Variants in ADGRG3 observed in about 807,000 individuals in gnomAD.
ADGRG3 encodes the protein adhesion G protein-coupled receptor G3.
Under a neutral mutation model 54.3 loss-of-function variants are expected in ADGRG3, and 39 were observed. The observed-to-expected ratio is 0.72, with a 90% confidence interval of 0.56 to 0.94. ADGRG3 has a LOEUF of 0.94. ADGRG3 is among the 40% of genes least tolerant of loss of function. ADGRG3 has a pLI of 0.00. For synonymous variants in ADGRG3, 312 were observed against 290.0 expected, an observed-to-expected ratio of 1.08 and a Z score of -0.77; for missense variants, 654 against 694.6, an observed-to-expected ratio of 0.94 and a Z score of 0.66.
intron 10 of ADGRG3, among the ~76,000 whole-genome samples, chr16:57,685,012 G>A (rs1185003836): frequency 6.6e-6 from 1 of 152,208 alleles, no homozygotes; most frequent in African/African-American, 2.4e-5. Flanking sequence ...TCTGCACCAT[G>A]GGGGAACTGA....
At chr16:57,669,397 G>A (rs1364121701) in intron 1 of ADGRG3, among the ~76,000 whole-genome samples, 16 of 152,318 alleles carry the variant, frequency 1.1e-4, no homozygotes, top group Admixed American at 6.5e-5. Flanking sequence ...TAGTGGCCCC[G>A]GGAGGCCCTG....
chr16:57,681,069 T>G (rs1203203066), intron 8 of ADGRG3: 2 of 166,378 alleles, frequency 1.2e-5, no homozygotes, highest in Admixed American at 5.7e-5. Flanking sequence ...GCTCCTTAGC[T>G]GCTTAGGCAG....
Position 57,686,091 on chromosome 16 carries a change from T to A in ADGRG3, c.1540+165T>A, listed in dbSNP as rs1387087307. On this transcript the variant is annotated intron_variant, in intron 11 of 11. Coordinates refer to ENST00000333493, the MANE Select transcript of ADGRG3 (RefSeq NM_170776.5). ...AGAGCAAGGATCCAGGGCAGCAAAGTTTGGCTGCTGTATTAGTCCGTTTGT... is the reference window on the plus strand; with the variant it reads ...AGAGCAAGGATCCAGGGCAGCAAAGATTGGCTGCTGTATTAGTCCGTTTGT... 4.4e-6 allele frequency: 3 copies of A among 689,310 alleles called. No individual in the cohort carries two copies. In the African/African-American group the frequency reaches 5.4e-5, roughly 12 times the overall value. 42.7% of individuals were successfully genotyped at this position (689,310 alleles called of 1,614,324 possible).
At chr16:57,673,949 C>T (rs59892589) in intron 2 of ADGRG3, among the ~76,000 whole-genome samples, 4,772 of 152,066 alleles carry the variant, frequency 0.031, 227 homozygotes, top group African/African-American at 0.11. Context: ...CAATGTAAAC[C>T]GCGTGGGGAT....
chr16:57,666,762 C>T (rs2048067904), upstream of ADGRG3, among the ~76,000 whole-genome samples: 1 of 152,194 alleles, frequency 6.6e-6, no homozygotes, highest in African/African-American at 2.4e-5. Flanking sequence ...GCCTGACCTT[C>T]CCCTGCACCT....
At position 57,682,436 on chromosome 16, in the gene ADGRG3, C is replaced by T. The variant is rs74822996; in HGVS notation, c.882-1496C>T. On this transcript the variant is annotated intron_variant, in intron 8 of 11. Coordinates refer to ENST00000333493, the MANE Select transcript of ADGRG3 (RefSeq NM_170776.5). ...CCAACTAGGCCCACCCAATCCATCA[C>T]AGACCAACCCATGAGTGTAAATGGT... 4.1e-6 allele frequency: 4 copies of T among 975,198 alleles called. No individual in the cohort carries two copies. In the African/African-American group the frequency reaches 7.0e-5, roughly 17 times the overall value. The allele number at this position is 975,198 out of a possible 1,614,324, so 60.4% of individuals were successfully genotyped here.
intron 1 of ADGRG3, among the ~76,000 whole-genome samples, chr16:57,671,597 A>G (rs1250918755): frequency 6.6e-6 from 1 of 152,072 alleles, no homozygotes; most frequent in Non-Finnish European, 1.5e-5. Context: ...GGCCTCCCAA[A>G]GTGCTGGGAT....
chr16:57,683,322 T>C (rs2048410643), intron 8 of ADGRG3, among the ~76,000 whole-genome samples: 1 of 152,186 alleles, frequency 6.6e-6, no homozygotes, highest in Non-Finnish European at 1.5e-5. Flanking sequence ...GTGTGTCACC[T>C]CCATCCCATA....
intron 7 of ADGRG3, 23 bp from the exon 8 acceptor site, chr16:57,680,481 TC>T: frequency 6.3e-7 from 1 of 1,598,984 alleles, no homozygotes; most frequent in African/African-American, 1.3e-5. Context: ...ACTGACGTGG[TC>T]CCGGTTCTGG....
At chr16:57,668,718 C>A (rs111684658) in intron 1 of ADGRG3, among the ~76,000 whole-genome samples, 181 of 152,324 alleles carry the variant, frequency 1.2e-3, no homozygotes, top group African/African-American at 4.3e-3. Flanking sequence ...CCCTGACAGG[C>A]CTGGCTCTGA....
rs202234956 is a variant in ADGRG3 at position 57,676,375 on chromosome 16, C to T, written c.345+37C>T. The T allele has an allele frequency of 1.3e-4, 211 of 1,594,686 alleles. 2 individuals are homozygous for T. Among genetic ancestry groups the T allele is most frequent in the Middle Eastern group, 1.7e-4 (1 of 6,002 alleles). On this transcript the variant is annotated intron_variant, in intron 3 of 11. Coordinates refer to ENST00000333493, the MANE Select transcript of ADGRG3 (RefSeq NM_170776.5). ...CCCAGCCCTCTTGGCTGGTTCGGAC[C>T]CTATTTTTCTTGGACGTATATTTCA...
Position 57,688,423 on chromosome 16 carries a change from G to T in ADGRG3, c.1612G>T (p.Ala538Ser), listed in dbSNP as rs780896142. The T allele has an allele frequency of 2.5e-6, 4 of 1,612,672 alleles. No individual in the cohort carries two copies. The South Asian group carries it at 3.3e-5, about 13-fold the overall frequency. The change falls in exon 12 of 12, where the codon GCA becomes TCA. Residue 538 changes from alanine (A) to serine (S), a missense_variant. Coordinates refer to ENST00000333493, the MANE Select transcript of ADGRG3 (RefSeq NM_170776.5). ...GAGCACCACAGTCTCCTCCTCTACT[G>T]CAAGATTGGACCAGGCCCACTCCGC... ...SQSTTVSSST[A>S]RLDQAHSASQ...
At chr16:57,678,847 G>GCTATC in intron 4 of ADGRG3, 1 of 399,952 alleles carries the variant, frequency 2.5e-6, no homozygotes, top group Non-Finnish European at 4.6e-6. Context: ...TCAGGGGCAC[G>GCTATC]CTATCCTCCC....
chr16:57,668,435 C>G (rs1044987828), intron 1 of ADGRG3, 30 bp downstream of exon 1: 2 of 1,541,040 alleles, frequency 1.3e-6, no homozygotes, highest in African/African-American at 2.7e-5. Context: ...TCCCCTCCTG[C>G]CACGCTGGGC....
intron 11 of ADGRG3, among the ~76,000 whole-genome samples, chr16:57,686,419 C>T (rs78750274): frequency 0.012 from 1,778 of 152,232 alleles, 12 homozygotes; most frequent in Non-Finnish European, 0.018. Context: ...AGGATCCGCT[C>T]CAAGGATCCA....
rs2048515821 is a variant in ADGRG3 at position 57,688,381 on chromosome 16, C to T, written c.1570C>T (p.Leu524Phe). Reference sequence around the variant, plus strand: ...CTTCATCTGCTGCTGGTTCACCATCCTTTACCTCCCAAGTCAGAGCACCAC... The same window carrying T: ...CTTCATCTGCTGCTGGTTCACCATCTTTTACCTCCCAAGTCAGAGCACCAC... ...GVFICCWFTI[L>F]YLPSQSTTVS... Residue 524 changes from leucine to phenylalanine, a missense_variant, in exon 12 of 12, where the codon CTT becomes TTT. By Grantham distance (22) the Leu-to-Phe change is conservative. Transcript: ENST00000333493. The T allele has an allele frequency of 6.2e-7, 1 of 1,613,190 alleles. No homozygotes were observed. The highest frequency in any genetic ancestry group is 8.5e-7 in the Non-Finnish European group (1 of 1,179,260).
upstream of ADGRG3, among the ~76,000 whole-genome samples, chr16:57,667,713 G>A (rs1358365403): frequency 6.6e-6 from 1 of 152,188 alleles, no homozygotes; most frequent in Non-Finnish European, 1.5e-5. Context: ...GGTCCGTCCT[G>A]TTATCCAGGC....
intron 11 of ADGRG3, among the ~76,000 whole-genome samples, chr16:57,687,861 C>A (rs2048503492): frequency 6.6e-6 from 1 of 152,240 alleles, no homozygotes; most frequent in Admixed American, 6.5e-5. Flanking sequence ...CTCTCCAATA[C>A]AACAGAGCCC....
intron 8 of ADGRG3, among the ~76,000 whole-genome samples, chr16:57,682,330 G>A (rs2148710373): frequency 6.6e-6 from 1 of 152,318 alleles, no homozygotes; most frequent in Admixed American, 6.5e-5. Context: ...CAGCCCTTGG[G>A]TCTCCTGCCC....
Sources: gnomAD v4.1 joint callset for allele counts (sites outside exome capture counted in the v4.1 genomes callset) on GRCh38, gnomAD v4.1.1 for gene constraint, MANE v1.5 for transcripts, NCBI Gene and HGNC (gene_info 2026-07-23, HGNC 2026-07-21) for gene names.